XYLB: variants seen among roughly 807,000 people sequenced by gnomAD.
XYLB encodes xylulokinase.
In XYLB, 62 loss-of-function variants were observed where a neutral mutation model predicts 78.7. The ratio of observed to expected loss-of-function variants is 0.79; its 90% confidence interval spans 0.64 to 0.97. XYLB has a LOEUF of 0.97. XYLB is among the 50% of genes least tolerant of loss of function. The pLI is 0.00. For synonymous variants in XYLB, 245 were observed against 247.4 expected (o/e 0.99, Z 0.09); for missense variants, 687 against 676.8 (o/e 1.02, Z -0.17).
At chr3:38,397,411 G>A (rs781720161) in intron 17 of XYLB, among the ~76,000 whole-genome samples, 16 of 152,204 alleles carry the variant, frequency 1.1e-4, no homozygotes, top group Non-Finnish European at 2.2e-4. Flanking sequence ...GTTAAGGTCA[G>A]CACAGGGACA....
intron 4 of XYLB, 33 bp from the exon 5 acceptor site, chr3:38,365,166 G>T (rs1387288237): frequency 1.6e-5 from 25 of 1,608,202 alleles, no homozygotes; most frequent in Non-Finnish European, 2.0e-5. Flanking sequence ...CTGGTGTGTG[G>T]TCATGTGACC....
chr3:38,399,759 C>T (rs1559612666), intron 17 of XYLB, among the ~76,000 whole-genome samples: 1 of 152,138 alleles, frequency 6.6e-6, no homozygotes, highest in Non-Finnish European at 1.5e-5. Context: ...GTACCTGGGC[C>T]ACTGCCCTGC....
downstream of XYLB, chr3:38,415,071 C>G (rs944976532): frequency 2.0e-5 from 3 of 152,112 alleles, no homozygotes; most frequent in African/African-American, 7.2e-5. Context: ...CATAGCCTAC[C>G]AACTATACTT....
intron 18 of XYLB, among the ~76,000 whole-genome samples, chr3:38,408,178 A>C (rs1708412955): frequency 6.6e-6 from 1 of 152,018 alleles, no homozygotes; most frequent in African/African-American, 2.4e-5. Flanking sequence ...AATTATAACA[A>C]ACTGTCTCTC....
intron 14 of XYLB, among the ~76,000 whole-genome samples, chr3:38,378,060 A>G (rs550526302): frequency 3.1e-4 from 47 of 152,334 alleles, no homozygotes; most frequent in African/African-American, 1.1e-3. Context: ...TTTATGTAAG[A>G]CACTCTGTCT....
downstream of XYLB, among the ~76,000 whole-genome samples, chr3:38,416,842 C>T (rs1163092372): frequency 6.6e-6 from 1 of 152,206 alleles, no homozygotes; most frequent in East Asian, 1.9e-4. Flanking sequence ...TTGGCTCCTG[C>T]CTATCCCCTG....
the XYLB span, among the ~76,000 whole-genome samples, chr3:38,437,044 T>TAATAATAAC: frequency 5.1e-4 from 73 of 144,298 alleles, no homozygotes; most frequent in African/African-American, 1.2e-3. Context: ...ATAATAATAA[T>TAATAATAAC]AACAAAAACC....
chr3:38,391,239 A>AC (rs1280055687), intron 15 of XYLB, among the ~76,000 whole-genome samples: 52 of 2,840 alleles, frequency 0.018, no homozygotes, highest in East Asian at 0.17. Flanking sequence ...AACAACAACA[A>AC]AAAAAAAGAA....
At position 38,391,497 on chromosome 3, in the gene XYLB, A is replaced by G. The variant is rs993872730; in HGVS notation, c.1292-4008A>G. 2.6e-5 allele frequency among the ~76,000 whole-genome samples: 4 copies of G among 152,342 alleles called. No individual in the cohort carries two copies. The South Asian group carries it at 8.3e-4, about 32-fold the overall frequency. ...TGATTTGCTGCTTTAGATCAACGTC[A>G]TGTTTATGAATTCATCCATGTTAAT... On this transcript the variant is annotated intron_variant, in intron 15 of 18. Transcript: ENST00000207870.
At position 38,357,865 on chromosome 3, in the gene XYLB, T is replaced by TA. The variant is rs10717157; in HGVS notation, c.141-2465dup. Among the ~76,000 whole-genome samples, 201 of 151,280 alleles carry TA rather than the reference T, an allele frequency of 1.3e-3. 2 individuals are homozygous for TA. The highest frequency in any genetic ancestry group is 6.8e-3 in the Middle Eastern group (2 of 294). On this transcript the variant is annotated intron_variant, in intron 2 of 18. Transcript: ENST00000207870. ...TCTATTAAGATCTTTTGCCCTTTTT[T>TA]AAAAAAAAACTGTGTTATTTCTCTT...
intron 2 of XYLB, among the ~76,000 whole-genome samples, chr3:38,348,874 A>G (rs566679178): frequency 1.3e-5 from 2 of 152,354 alleles, no homozygotes; most frequent in African/African-American, 4.8e-5. Context: ...GCCAGGTGCT[A>G]GGACCTGATG....
At chr3:38,402,367 C>G (rs985797463) in intron 18 of XYLB, among the ~76,000 whole-genome samples, 1 of 152,156 alleles carries the variant, frequency 6.6e-6, no homozygotes, top group Non-Finnish European at 1.5e-5. Flanking sequence ...GAAACGAAAG[C>G]TGTCATAAGA....
chr3:38,450,090 C>T, the XYLB span, among the ~76,000 whole-genome samples: 1 of 152,118 alleles, frequency 6.6e-6, no homozygotes, highest in Non-Finnish European at 1.5e-5. Context: ...ACACTGCCCA[C>T]CCCTCCCCCA....
chr3:38,388,169 G>GTTTTTTTTTTTTTTTTTTTTTTTTTT (rs71085320), intron 15 of XYLB, among the ~76,000 whole-genome samples: 5 of 109,340 alleles, frequency 4.6e-5, no homozygotes, highest in Admixed American at 2.0e-4. Context: ...GTTTTTTTTT[G>GTTTTTTTTTTTTTTTTTTTTTTTTTT]TTTTTTTTTT....
chr3:38,392,599 TTAA>T (rs1370635115), intron 15 of XYLB, among the ~76,000 whole-genome samples: 2 of 152,154 alleles, frequency 1.3e-5, no homozygotes, highest in African/African-American at 4.8e-5. Flanking sequence ...GCCTGGCCAA[TTAA>T]TAATGATTTT....
chr3:38,433,302 TAGGCCTCC>T, the XYLB span, among the ~76,000 whole-genome samples: 1 of 152,334 alleles, frequency 6.6e-6, no homozygotes, highest in South Asian at 2.1e-4. Context: ...TTTTTCCTCC[TAGGCCTCC>T]AGGCCTGTGA....
rs777381838 is a variant in XYLB, at chr3:38,379,294, C to A, written c.1243C>A (p.Gln415Lys). The A allele has an allele frequency of 1.2e-6, 2 of 1,614,050 alleles. No individual in the cohort carries two copies. The highest frequency in any genetic ancestry group is 1.1e-5 in the South Asian group (1 of 91,068). The change falls in exon 15 of 19, where the codon CAA becomes AAA. Residue 415 changes from glutamine (Q) to lysine (K), a missense_variant. Physicochemically the swap from Gln to Lys is moderately conservative, Grantham distance 53. Coordinates refer to ENST00000207870, the MANE Select transcript of XYLB (RefSeq NM_005108.4). ...DVEVRALIEG[Q>K]FMAKRIHAEG... is the part of the protein sequence containing the mutation. ...GGAGGTTCGAGCACTAATTGAAGGACAATTCATGGCCAAGAGGATTCACGC... is the reference window on the plus strand; with the variant it reads ...GGAGGTTCGAGCACTAATTGAAGGAAAATTCATGGCCAAGAGGATTCACGC...
the XYLB span, among the ~76,000 whole-genome samples, chr3:38,436,067 G>C: frequency 6.6e-6 from 1 of 151,876 alleles, no homozygotes; most frequent in Non-Finnish European, 1.5e-5. Context: ...GCAGAAAAAA[G>C]GAATAAAGAT....
chr3:38,358,667 A>C (rs1406089821), intron 2 of XYLB, among the ~76,000 whole-genome samples: 1 of 152,134 alleles, frequency 6.6e-6, no homozygotes, highest in Non-Finnish European at 1.5e-5. Context: ...TAAGTTGTTA[A>C]ATACATGGCA....
Sources: gnomAD v4.1 joint callset for allele counts (sites outside exome capture counted in the v4.1 genomes callset) on GRCh38, gnomAD v4.1.1 for gene constraint, MANE v1.5 for transcripts, NCBI Gene and HGNC (gene_info 2026-07-23, HGNC 2026-07-21) for gene names.